ATP13A4: variants seen among roughly 807,000 people sequenced by gnomAD.
The protein encoded by ATP13A4 is ATPase 13A4, also known as probable cation-transporting ATPase 13A4.
In ATP13A4, 114 loss-of-function variants were observed where a neutral mutation model predicts 142.5. The observed-to-expected ratio is 0.80, with a 90% CI of 0.69 to 0.93. The LOEUF is 0.93. Ranked by LOEUF, ATP13A4 falls within the 40% of genes least tolerant of loss-of-function variation. The pLI is 0.00. For missense variants in ATP13A4, 1,392 were observed against 1,454.0 expected (o/e 0.96, Z 0.69); for synonymous variants, 488 against 514.8 (o/e 0.95, Z 0.70).
chr3:193,445,034 G>C (rs1027722576), intron 18 of ATP13A4, among the ~76,000 whole-genome samples: 1 of 152,186 alleles, frequency 6.6e-6, no homozygotes, highest in African/African-American at 2.4e-5. Context: ...CTAACAACCT[G>C]TCTAAGAAAT....
intron 18 of ATP13A4, among the ~76,000 whole-genome samples, chr3:193,442,968 C>A (rs1716735783): frequency 6.6e-6 from 1 of 152,138 alleles, no homozygotes; most frequent in African/African-American, 2.4e-5. Flanking sequence ...TGAACAAAAA[C>A]CAAGAAGCAA....
At chr3:193,538,684 TTAA>T (rs893304538) in intron 1 of ATP13A4, among the ~76,000 whole-genome samples, 74 of 151,526 alleles carry the variant, frequency 4.9e-4, no homozygotes, top group Non-Finnish European at 1.0e-3. Flanking sequence ...AAAGGAAAGG[TTAA>T]TAATAATAAT....
Position 193,414,659 on chromosome 3 carries a change from G to A in ATP13A4, c.2934C>T (p.Asn978=), listed in dbSNP as rs1409261791. ...SPPLLLSVIF[N]ILLSLAMHIA... ...TATGCATGGCCAGGCTGAGAAGAAT[G>A]TTGAAAATCACAGAGAGTAGCAGAG... Residue 978 remains asparagine, a synonymous_variant, in exon 26 of 30, where the codon AAC becomes AAT. Coordinates refer to ENST00000342695, the MANE Select transcript of ATP13A4 (RefSeq NM_032279.4). The A allele has an allele frequency of 1.2e-6, 2 of 1,614,138 alleles. No individual in the cohort carries two copies. Among genetic ancestry groups the A allele is most frequent in the South Asian group, 1.1e-5 (1 of 91,078 alleles).
chr3:193,554,980 C>T, upstream of ATP13A4: 2 of 1,501,216 alleles, frequency 1.3e-6, no homozygotes, highest in Non-Finnish European at 1.8e-6. Context: ...GCAAACTGAA[C>T]TCCTCCCACG....
chr3:193,469,442 A>T (rs910339086), intron 9 of ATP13A4, among the ~76,000 whole-genome samples: 2 of 152,176 alleles, frequency 1.3e-5, no homozygotes, highest in Admixed American at 1.3e-4. Context: ...CCTGGCCAAC[A>T]TCGTGAAACG....
rs201541607 is a variant in ATP13A4 at position 193,484,310 on chromosome 3, AAAATAAATAAATAAAT to A, written c.739-321_739-306del. ...GGGCGACAGAACAAGACTCTGTCTC[AAAATAAATAAATAAAT>A]AAATAAATAAATAAATAAATAAATA... On this transcript the variant is annotated intron_variant, in intron 7 of 29. Transcript: ENST00000342695. Among the ~76,000 whole-genome samples the A allele has an allele frequency of 5.1e-4, 74 of 144,590 alleles. 1 individual carries two copies. Among genetic ancestry groups the A allele is most frequent in the African/African-American group, 1.3e-3 (49 of 38,754 alleles). The allele number at this position is 144,590 out of a possible 152,430, so 94.9% of individuals were successfully genotyped here. A position where few individuals can be genotyped will look rare whatever the true frequency, so the allele number is the denominator to read the frequency against.
intron 2 of ATP13A4, among the ~76,000 whole-genome samples, chr3:193,569,086 T>C (rs1249214519): frequency 6.6e-6 from 1 of 152,236 alleles, no homozygotes. Context: ...GTGGAGAGAT[T>C]TGACTGACAC....
At chr3:193,579,514 T>C (rs1454395830) in intron 2 of ATP13A4, 1 of 152,324 alleles carries the variant, frequency 6.6e-6, no homozygotes, top group African/African-American at 2.4e-5. Context: ...TATATTCCTA[T>C]TCTTACTATA....
intron 29 of ATP13A4, among the ~76,000 whole-genome samples, chr3:193,404,419 T>C (rs985078518): frequency 1.3e-5 from 2 of 152,106 alleles, no homozygotes; most frequent in African/African-American, 4.8e-5. Context: ...ACATTATAAA[T>C]ACAAGGCAGA....
intron 1 of ATP13A4, among the ~76,000 whole-genome samples, chr3:193,550,312 T>G (rs1300083943): frequency 2.0e-5 from 3 of 150,836 alleles, no homozygotes; most frequent in African/African-American, 4.9e-5. Context: ...TAGGTTTTTT[T>G]TTTTTTTTTT....
rs1269237093 is a variant in ATP13A4, at chr3:193,438,562, C to G, written c.2585G>C (p.Gly862Ala). Residue 862 changes from glycine to alanine, a missense_variant, in exon 23 of 30, where the codon GGC becomes GCC. Physicochemically the swap from Gly to Ala is moderately conservative, Grantham distance 60. Coordinates refer to ENST00000342695, the MANE Select transcript of ATP13A4 (RefSeq NM_032279.4). ...TGCCTCCTGCTCTGATAATGAGATG[C>G]CCACATGAGCCATTTTCAGAGCCTG... ...DCGALKMAHV[G>A]ISLSEQEASV... 3 of 1,614,038 alleles carry G rather than the reference C, an allele frequency of 1.9e-6. No individual in the cohort carries two copies. Among genetic ancestry groups the G allele is most frequent in the East Asian group, 4.5e-5 (2 of 44,874 alleles).
intron 1 of ATP13A4, among the ~76,000 whole-genome samples, chr3:193,522,024 T>G (rs924621859): frequency 6.6e-6 from 1 of 152,178 alleles, no homozygotes; most frequent in Non-Finnish European, 1.5e-5. Context: ...CCTGTCATAA[T>G]TACCCTAAAG....
chr3:193,521,361 G>C (rs1721705829), intron 1 of ATP13A4, among the ~76,000 whole-genome samples: 1 of 152,208 alleles, frequency 6.6e-6, no homozygotes, highest in Non-Finnish European at 1.5e-5. Flanking sequence ...AATTGACTTG[G>C]AGAGAATTGG....
intron 2 of ATP13A4, among the ~76,000 whole-genome samples, chr3:193,567,721 C>T (rs1320811050): frequency 6.6e-6 from 1 of 152,146 alleles, no homozygotes; most frequent in Non-Finnish European, 1.5e-5. Context: ...TTTCTCTTCT[C>T]CACCAGGATG....
chr3:193,475,119 TA>T (rs1221787056), intron 8 of ATP13A4, among the ~76,000 whole-genome samples: 1 of 152,110 alleles, frequency 6.6e-6, no homozygotes, highest in African/African-American at 2.4e-5. Context: ...CATAAGCACT[TA>T]TTTCTTAACC....
At chr3:193,459,040 T>C (rs760282995) in intron 14 of ATP13A4, 41 bp downstream of exon 14, 2 of 1,611,748 alleles carry the variant, frequency 1.2e-6, no homozygotes, top group South Asian at 1.1e-5. Context: ...TGCTCTGGCA[T>C]TGAAGAAGCT....
intron 8 of ATP13A4, among the ~76,000 whole-genome samples, chr3:193,482,809 G>A (rs1031969474): frequency 5.3e-5 from 8 of 152,296 alleles, no homozygotes; most frequent in South Asian, 4.1e-4. Flanking sequence ...GTAAAACGGC[G>A]CCACTGCGTT....
At chr3:193,410,842 T>C in intron 28 of ATP13A4, 140 bp downstream of exon 28, 1 of 628,248 alleles carries the variant, frequency 1.6e-6, no homozygotes, top group Non-Finnish European at 2.9e-6. Flanking sequence ...TATAGATAAA[T>C]TTAGCATTTT....
At chr3:193,576,464 G>A (rs1157416851) in intron 2 of ATP13A4, among the ~76,000 whole-genome samples, 1 of 149,944 alleles carries the variant, frequency 6.7e-6, no homozygotes, top group African/African-American at 2.5e-5. Flanking sequence ...GTAGAGACGG[G>A]GTTTCACCCT....
Sources: allele counts gnomAD v4.1 joint callset (sites outside exome capture counted in the v4.1 genomes callset), GRCh38; gene constraint gnomAD v4.1.1; transcripts MANE v1.5; gene names NCBI Gene and HGNC (gene_info 2026-07-23, HGNC 2026-07-21).